SYTL2: variants seen among roughly 807,000 people sequenced by gnomAD.
SYTL2 encodes the protein synaptotagmin-like protein 2.
In SYTL2, 165 loss-of-function variants were observed where a neutral mutation model predicts 198.7. The ratio of observed to expected loss-of-function variants is 0.83; its 90% CI spans 0.73 to 0.94. SYTL2 has a LOEUF of 0.94. Among genes scored for constraint, SYTL2 ranks in the 40% least tolerant of loss-of-function variants. The probability of loss-of-function intolerance (pLI) is 0.00; values close to 1 mark genes in which losing one functional copy is unlikely to be tolerated. For synonymous variants in SYTL2, 966 were observed against 917.7 expected (o/e 1.05, Z -0.95); for missense variants, 2,835 against 2,582.8 (o/e 1.10, Z -2.12).
chr11:85,728,696 C>T (rs1423372135), intron 7 of SYTL2, among the ~76,000 whole-genome samples: 2 of 152,186 alleles, frequency 1.3e-5, no homozygotes, highest in African/African-American at 4.8e-5. Flanking sequence ...TCCCCTGGCA[C>T]ATATCATAAA....
chr11:85,747,538 T>C (rs2091238432), intron 3 of SYTL2, among the ~76,000 whole-genome samples: 1 of 152,186 alleles, frequency 6.6e-6, no homozygotes. Flanking sequence ...GGCATTTTTA[T>C]TTCCCCCCTC....
chr11:85,838,639 T>C, the SYTL2 span, among the ~76,000 whole-genome samples: 2 of 152,030 alleles, frequency 1.3e-5, no homozygotes, highest in Non-Finnish European at 1.5e-5. Flanking sequence ...CACTTTTAAA[T>C]AACCAGATCT....
At chr11:85,781,767 C>G (rs1292646497) in intron 1 of SYTL2, among the ~76,000 whole-genome samples, 2 of 152,230 alleles carry the variant, frequency 1.3e-5, no homozygotes, top group African/African-American at 2.4e-5. Flanking sequence ...CCAAAATGAT[C>G]TCCTTTGAGA....
At chr11:85,824,536 G>A in the SYTL2 span, among the ~76,000 whole-genome samples, 1 of 152,160 alleles carries the variant, frequency 6.6e-6, no homozygotes, top group Non-Finnish European at 1.5e-5. Flanking sequence ...GGGTAGAATG[G>A]TTTGTATTGA....
At chr11:85,783,182 G>A (rs565494) in intron 1 of SYTL2, among the ~76,000 whole-genome samples, 47,849 of 151,998 alleles carry the variant, frequency 0.31, 7,807 homozygotes, top group South Asian at 0.39. Context: ...GGGAGGCCTC[G>A]GGAAACTTAC....
At chr11:85,838,437 A>C in the SYTL2 span, among the ~76,000 whole-genome samples, 1 of 152,176 alleles carries the variant, frequency 6.6e-6, no homozygotes, top group Non-Finnish European at 1.5e-5. Flanking sequence ...GAGACTGGGT[A>C]ATTTATAAAG....
chr11:85,720,995 AC>A, intron 8 of SYTL2, 36 bp from the exon 9 acceptor site: 10 of 1,234,056 alleles, frequency 8.1e-6, no homozygotes, highest in South Asian at 1.3e-5. Flanking sequence ...ACTGCACAAT[AC>A]CAAAAAAAAA....
chr11:85,743,774 G>C (rs1374313879), intron 4 of SYTL2, among the ~76,000 whole-genome samples: 5 of 152,188 alleles, frequency 3.3e-5, no homozygotes, highest in Non-Finnish European at 1.5e-5. Context: ...GGCCCACTGA[G>C]ATAGAATAAG....
intron 1 of SYTL2, among the ~76,000 whole-genome samples, chr11:85,801,884 G>A (rs576947836): frequency 3.3e-5 from 5 of 149,924 alleles, no homozygotes; most frequent in East Asian, 2.0e-4. Flanking sequence ...GCGCGATCTC[G>A]GCTCACTGCA....
At position 85,805,952 on chromosome 11, in the gene SYTL2, C is replaced by T. The variant is rs547699734; in HGVS notation, c.-390+5002G>A. 6.0e-4 allele frequency among the ~76,000 whole-genome samples: 92 copies of T among 152,306 alleles called. 2 individuals are homozygous for T. The highest frequency in any genetic ancestry group is 2.2e-3 in the African/African-American group (90 of 41,564). ...TAGGAAATGCTCTTATTTTGGCCTT[C>T]TTTTATCTCAATCATCAATACAAGG... On this transcript the variant is annotated intron_variant, in intron 1 of 19. Transcript: ENST00000359152.
chr11:85,739,285 T>C (rs2090603518), intron 4 of SYTL2, among the ~76,000 whole-genome samples: 1 of 150,038 alleles, frequency 6.7e-6, no homozygotes, highest in African/African-American at 2.5e-5. Context: ...ATCCATGTTA[T>C]TTGCAAAACT....
At chr11:85,846,718 C>T in the SYTL2 span, among the ~76,000 whole-genome samples, 10 of 150,056 alleles carry the variant, frequency 6.7e-5, no homozygotes, top group East Asian at 1.4e-3. Flanking sequence ...TGAGTCACCA[C>T]GCCCAGGTTG....
In SYTL2 at chr11:85,725,642, G is replaced by A. The variant is rs754526967; in HGVS notation, c.3716C>T (p.Thr1239Ile). ...TCTCCCCTCTTCCAGCTTAGAGTTG[G>A]TTCCAGTGATAACAGGCGCCAACTT... ...QAKLAPVITG[T>I]NSKLEEGRFF... Residue 1239 changes from threonine to isoleucine, a missense_variant, in exon 8 of 20, where the codon ACC becomes ATC. Physicochemically the swap from Thr to Ile is moderately conservative, Grantham distance 89. Transcript: ENST00000359152. 2 of 1,613,948 alleles carry A rather than the reference G, an allele frequency of 1.2e-6. No homozygotes were observed. The highest frequency in any genetic ancestry group is 1.6e-4 in the Middle Eastern group (1 of 6,084).
intron 10 of SYTL2, chr11:85,717,794 G>C (rs1238626485): frequency 5.8e-6 from 3 of 513,726 alleles, no homozygotes; most frequent in African/African-American, 1.9e-5. Flanking sequence ...ATGGAAAATG[G>C]GAAGGAGCAC....
intron 1 of SYTL2, among the ~76,000 whole-genome samples, chr11:85,801,764 G>A (rs1448970655): frequency 6.6e-6 from 1 of 151,636 alleles, no homozygotes; most frequent in African/African-American, 2.4e-5. Context: ...TACATTAGCA[G>A]CGCCACCAAC....
intron 17 of SYTL2, 60 bp from the exon 18 acceptor site, chr11:85,698,138 C>A: frequency 8.9e-7 from 1 of 1,125,180 alleles, no homozygotes; most frequent in Non-Finnish European, 1.3e-6. Context: ...AATACTGCGT[C>A]CAAAGATGTC....
At chr11:85,853,524 G>A in the SYTL2 span, 29,500 of 235,320 alleles carry the variant, frequency 0.13, 2,337 homozygotes, top group Non-Finnish European at 0.16. Flanking sequence ...CAAACACTGC[G>A]GAAGGCCACA....
At chr11:85,736,051 C>A (rs2090314903) in intron 6 of SYTL2, among the ~76,000 whole-genome samples, 1 of 152,150 alleles carries the variant, frequency 6.6e-6, no homozygotes, top group African/African-American at 2.4e-5. Flanking sequence ...TCAATTGAGC[C>A]ACAAACCTGA....
At chr11:85,841,564 G>A in the SYTL2 span, among the ~76,000 whole-genome samples, 1 of 152,118 alleles carries the variant, frequency 6.6e-6, no homozygotes, top group African/African-American at 2.4e-5. Context: ...CAAACTAATG[G>A]AGGAACAGAA....
Sources: allele counts gnomAD v4.1 joint callset (sites outside exome capture counted in the v4.1 genomes callset), GRCh38; gene constraint gnomAD v4.1.1; transcripts MANE v1.5; gene names NCBI Gene and HGNC (gene_info 2026-07-23, HGNC 2026-07-21).